Variants in COL21A1 observed in about 807,000 individuals in gnomAD.
COL21A1 encodes collagen type XXI alpha 1 chain, also known as collagen alpha-1(XXI) chain.
In COL21A1, 149 loss-of-function variants were observed where a neutral mutation model predicts 137.9. The observed-to-expected ratio is 1.08, with a 90% CI of 0.95 to 1.24. The LOEUF is 1.24. Ranked by LOEUF, COL21A1 falls within the 50% of genes most tolerant of loss-of-function variation. The pLI, the probability that COL21A1 is intolerant of heterozygous loss-of-function variation, is 0.00. For synonymous variants in COL21A1, 456 were observed against 391.5 expected (o/e 1.16, Z -1.95); for missense variants, 1,167 against 1,158.4 (o/e 1.01, Z -0.11).
chr6:56,238,383 G>T (rs994826174), intron 1 of COL21A1, among the ~76,000 whole-genome samples: 1 of 149,152 alleles, frequency 6.7e-6, no homozygotes, highest in African/African-American at 2.5e-5. Flanking sequence ...AAGCATGAAG[G>T]CACCTGCTGA....
intron 22 of COL21A1, among the ~76,000 whole-genome samples, chr6:56,068,208 G>A (rs1193932964): frequency 2.0e-5 from 3 of 151,558 alleles, no homozygotes; most frequent in Non-Finnish European, 3.0e-5. Context: ...ATCATACTGT[G>A]TATGATCTAG....
chr6:56,344,075 C>G (rs1765532232), intron 1 of COL21A1, among the ~76,000 whole-genome samples: 1 of 152,138 alleles, frequency 6.6e-6, no homozygotes, highest in Admixed American at 6.5e-5. Flanking sequence ...CAAAATTTTT[C>G]TACATTTTAT....
intron 22 of COL21A1, 37 bp from the exon 23 acceptor site, chr6:56,067,367 C>G: frequency 6.4e-7 from 1 of 1,567,856 alleles, no homozygotes. Context: ...CATAATCTAG[C>G]ATATTCTGTA....
At position 56,141,798 on chromosome 6, in the gene COL21A1, C is replaced by T; in HGVS notation, c.1529G>A (p.Arg510Gln). 2 of 1,613,676 alleles carry T rather than the reference C, an allele frequency of 1.2e-6. No individual in the cohort carries two copies. The highest frequency in any genetic ancestry group is 1.1e-5 in the South Asian group (1 of 91,060). ...GTGTGTGTTTACCTTGTCACCATCT[C>T]GCCCTGGTTCTCCTTTGTAACCTGG... ...GLPGYKGEPG[R>Q]DGDKGDRGLP... Residue 510 changes from arginine (R) to glutamine (Q), a missense_variant, in exon 12 of 30, where the codon CGA becomes CAA. By Grantham distance (43) the Arg-to-Gln change is conservative (BLOSUM62 1). Transcript: ENST00000244728.
At chr6:56,288,007 C>A (rs1438689713) in intron 1 of COL21A1, among the ~76,000 whole-genome samples, 2 of 152,110 alleles carry the variant, frequency 1.3e-5, no homozygotes, top group African/African-American at 4.8e-5. Flanking sequence ...ACAGCCCAGT[C>A]AACATCTTGA....
intron 1 of COL21A1, among the ~76,000 whole-genome samples, chr6:56,318,436 A>AT (rs1406874146): frequency 1.3e-5 from 2 of 151,916 alleles, no homozygotes; most frequent in Admixed American, 6.6e-5. Flanking sequence ...CCCTTTTCAG[A>AT]TTTTTTCTCT....
rs577161645 is a variant in COL21A1 at position 56,314,265 on chromosome 6, G to A, written c.-39+79706C>T. 1.3e-4 allele frequency among the ~76,000 whole-genome samples: 20 copies of A among 152,238 alleles called. No homozygotes were observed. In the East Asian group the frequency reaches 3.9e-3, roughly 29 times the overall value. The stretch of plus-strand genomic sequence containing the variant: ...CCCAAAGTGCTGGGATTACAGGCGT[G>A]AGCCACCGCACCTGGCCAGAAGGTA... On this transcript the variant is annotated intron_variant, in intron 1 of 28. Transcript: ENST00000370819.
intron 1 of COL21A1, among the ~76,000 whole-genome samples, chr6:56,290,146 T>G (rs1277564742): frequency 6.6e-6 from 1 of 152,174 alleles, no homozygotes; most frequent in East Asian, 1.9e-4. Flanking sequence ...AACAGAGGTT[T>G]GGCACAACAG....
intron 1 of COL21A1, among the ~76,000 whole-genome samples, chr6:56,193,760 GT>G (rs138831794): frequency 0.025 from 3,696 of 147,472 alleles, 102 homozygotes; most frequent in African/African-American, 0.086. Flanking sequence ...AGGTTTTTTT[GT>G]TTTTTTTTTT....
upstream of COL21A1, among the ~76,000 whole-genome samples, chr6:56,250,506 G>A (rs570404974): frequency 3.3e-5 from 5 of 152,276 alleles, no homozygotes; most frequent in East Asian, 9.6e-4. Context: ...AGGAACAACA[G>A]AGACTTCAGT....
At chr6:56,155,035 C>A (rs1229173343) in intron 10 of COL21A1, among the ~76,000 whole-genome samples, 2 of 152,036 alleles carry the variant, frequency 1.3e-5, no homozygotes, top group Non-Finnish European at 2.9e-5. Flanking sequence ...GCCTAGTACC[C>A]ATTAGTTATT....
At chr6:56,298,320 T>C (rs1483691266) in intron 1 of COL21A1, among the ~76,000 whole-genome samples, 2 of 152,090 alleles carry the variant, frequency 1.3e-5, no homozygotes, top group Non-Finnish European at 2.9e-5. Context: ...TTGAGTTAAA[T>C]GGAATGCAGT....
chr6:56,280,998 C>T (rs966915834), intron 1 of COL21A1, among the ~76,000 whole-genome samples: 3 of 151,988 alleles, frequency 2.0e-5, no homozygotes, highest in Admixed American at 6.5e-5. Flanking sequence ...GACAGAGACC[C>T]GGTCTCAAAA....
intron 1 of COL21A1, among the ~76,000 whole-genome samples, chr6:56,228,089 G>A (rs1251601503): frequency 6.6e-6 from 1 of 151,940 alleles, no homozygotes; most frequent in Non-Finnish European, 1.5e-5. Flanking sequence ...GGAAATGAAT[G>A]ATGGGGCAGG....
chr6:56,261,837 C>A (rs943944699), intron 1 of COL21A1, among the ~76,000 whole-genome samples: 8 of 152,144 alleles, frequency 5.3e-5, no homozygotes, highest in Non-Finnish European at 8.8e-5. Flanking sequence ...GTGGTGGGAG[C>A]TTTACCATGT....
intron 12 of COL21A1, among the ~76,000 whole-genome samples, chr6:56,137,297 A>G (rs1258312786): frequency 6.6e-6 from 1 of 152,180 alleles, no homozygotes; most frequent in East Asian, 1.9e-4. Flanking sequence ...CATATCAGGA[A>G]TAAAATAGAA....
upstream of COL21A1, among the ~76,000 whole-genome samples, chr6:56,249,916 G>A (rs570444177): frequency 1.3e-5 from 2 of 152,008 alleles, no homozygotes; most frequent in African/African-American, 4.8e-5. Context: ...CCTTTTAGTG[G>A]GTAAATTTTA....
At chr6:56,187,609 T>G (rs184305946) in intron 1 of COL21A1, among the ~76,000 whole-genome samples, 27 of 152,336 alleles carry the variant, frequency 1.8e-4, no homozygotes, top group African/African-American at 6.5e-4. Flanking sequence ...CAACAAACAT[T>G]GCTGAATCAA....
intron 1 of COL21A1, chr6:56,331,798 G>GAAC (rs1286637216): frequency 8.3e-6 from 1 of 120,286 alleles, no homozygotes; most frequent in African/African-American, 2.6e-5. Context: ...ACATAAATAT[G>GAAC]AACTATCTGT....
Sources: allele counts gnomAD v4.1 joint callset (sites outside exome capture counted in the v4.1 genomes callset), GRCh38; gene constraint gnomAD v4.1.1; transcripts MANE v1.5; gene names NCBI Gene and HGNC (gene_info 2026-07-23, HGNC 2026-07-21).